Variants in SLC25A21 observed in about 807,000 individuals in gnomAD.
SLC25A21 encodes solute carrier family 25 member 21.
In SLC25A21, 47 loss-of-function variants were observed where a neutral mutation model predicts 43.8. That is an observed-to-expected ratio of 1.07 (90% CI 0.85 to 1.37). The LOEUF is 1.37. Among genes scored for constraint, SLC25A21 ranks in the 40% most tolerant of loss-of-function variants. The pLI, the probability that SLC25A21 is intolerant of heterozygous loss-of-function variation, is 0.00. For missense variants in SLC25A21, 352 were observed against 350.2 expected (o/e 1.00, Z -0.04); for synonymous variants, 131 against 121.3 (o/e 1.08, Z -0.52).
Position 36,759,390 on chromosome 14 carries a change from C to T in SLC25A21, c.204-24817G>A, listed in dbSNP as rs186215795. Among the ~76,000 whole-genome samples the T allele has an allele frequency of 1.7e-3, 255 of 152,174 alleles. 1 individual carries two copies. Among genetic ancestry groups the T allele is most frequent in the African/African-American group, 5.7e-3 (236 of 41,500 alleles). ...CCTTTTTTTCTGTACATATCATCTC[C>T]GTTTTGTCGTTCTTATGAGGGACAT... On this transcript the variant is annotated intron_variant, in intron 3 of 9. Coordinates refer to ENST00000331299, the MANE Select transcript of SLC25A21 (RefSeq NM_030631.4).
chr14:36,688,270 A>T (rs1432749665), intron 7 of SLC25A21, among the ~76,000 whole-genome samples: 1 of 151,522 alleles, frequency 6.6e-6, no homozygotes, highest in Non-Finnish European at 1.5e-5. Flanking sequence ...CCTCCCCTCT[A>T]CTCCCGAGAT....
At chr14:36,725,732 T>A in intron 5 of SLC25A21, 55 bp from the exon 6 acceptor site, 2 of 1,146,796 alleles carry the variant, frequency 1.7e-6, no homozygotes, top group Non-Finnish European at 2.4e-6. Context: ...TGTATGGGGT[T>A]AAACATCCTA....
At position 36,908,466 on chromosome 14, in the gene SLC25A21, A is replaced by C. The variant is rs577037419; in HGVS notation, c.71-33462T>G. 2.9e-4 allele frequency among the ~76,000 whole-genome samples: 44 copies of C among 152,254 alleles called. No homozygotes were observed. The South Asian group carries it at 8.7e-3, about 30-fold the overall frequency. On this transcript the variant is annotated intron_variant, in intron 1 of 9. Coordinates refer to ENST00000331299, the MANE Select transcript of SLC25A21 (RefSeq NM_030631.4). ...ATTCCCAGCAAAGGATAAAACACTA[A>C]ATGAGATGGCCAAGTCCCAAGAAAT...
intron 2 of SLC25A21, among the ~76,000 whole-genome samples, chr14:36,850,474 G>C (rs1300956283): frequency 6.6e-6 from 1 of 151,998 alleles, no homozygotes; most frequent in African/African-American, 2.4e-5. Context: ...AGAAAGCAGG[G>C]CAAGAAGGTA....
chr14:36,709,569 C>A (rs898380946), intron 7 of SLC25A21, among the ~76,000 whole-genome samples: 1 of 151,966 alleles, frequency 6.6e-6, no homozygotes, highest in Non-Finnish European at 1.5e-5. Flanking sequence ...GGATTTCAGA[C>A]CAAAAAAACA....
chr14:36,862,003 G>GA (rs553061904), intron 2 of SLC25A21, among the ~76,000 whole-genome samples: 44 of 152,206 alleles, frequency 2.9e-4, no homozygotes, highest in African/African-American at 1.0e-3. Flanking sequence ...ACAAACATAT[G>GA]AAAAAAAGCT....
At chr14:37,097,478 T>G (rs1276637152) in intron 1 of SLC25A21, among the ~76,000 whole-genome samples, 2 of 152,150 alleles carry the variant, frequency 1.3e-5, no homozygotes, top group African/African-American at 4.8e-5. Context: ...AGGGTTCTAT[T>G]TGGCCATCTT....
At chr14:37,149,477 C>T (rs1963722103) in intron 1 of SLC25A21, among the ~76,000 whole-genome samples, 1 of 152,048 alleles carries the variant, frequency 6.6e-6, no homozygotes, top group African/African-American at 2.4e-5. Flanking sequence ...GGGCCGGCCA[C>T]GGTGGCTCAC....
intron 1 of SLC25A21, among the ~76,000 whole-genome samples, chr14:36,881,717 C>T (rs1890733150): frequency 6.6e-6 from 1 of 152,096 alleles, no homozygotes; most frequent in African/African-American, 2.4e-5. Context: ...CACATAGGTA[C>T]AAAAATGTAG....
At chr14:36,728,799 T>C (rs563725919) in intron 5 of SLC25A21, among the ~76,000 whole-genome samples, 2 of 152,312 alleles carry the variant, frequency 1.3e-5, no homozygotes, top group African/African-American at 4.8e-5. Flanking sequence ...GCAGATTTTG[T>C]TTTGCTTTGC....
At chr14:36,828,109 GT>G (rs1888902996) in intron 2 of SLC25A21, among the ~76,000 whole-genome samples, 1 of 6,536 alleles carries the variant, frequency 1.5e-4, no homozygotes, top group South Asian at 0.012. Flanking sequence ...GCAATGTGAG[GT>G]CTTCTGGGAC....
chr14:37,093,099 A>G (rs1962620546), intron 1 of SLC25A21, among the ~76,000 whole-genome samples: 1 of 152,196 alleles, frequency 6.6e-6, no homozygotes, highest in African/African-American at 2.4e-5. Context: ...AAAATAATAA[A>G]CAGTGTACCA....
At chr14:36,798,112 C>A (rs570637565) in intron 3 of SLC25A21, among the ~76,000 whole-genome samples, 1 of 152,130 alleles carries the variant, frequency 6.6e-6, no homozygotes, top group Admixed American at 6.6e-5. Flanking sequence ...GTAGTCTGTG[C>A]GTTGTTAGCG....
chr14:37,125,888 T>C (rs973555974), intron 1 of SLC25A21, among the ~76,000 whole-genome samples: 3 of 152,208 alleles, frequency 2.0e-5, no homozygotes, highest in East Asian at 3.9e-4. Flanking sequence ...CCCAGGTACG[T>C]AGCAATTCAA....
intron 1 of SLC25A21, among the ~76,000 whole-genome samples, chr14:37,035,998 CCTT>C (rs1044969033): frequency 6.6e-6 from 1 of 152,056 alleles, no homozygotes; most frequent in Admixed American, 6.5e-5. Flanking sequence ...AATCTCTTGT[CCTT>C]CTGTATTCAT....
chr14:36,921,361 C>T (rs1891976999), intron 1 of SLC25A21, among the ~76,000 whole-genome samples: 1 of 152,146 alleles, frequency 6.6e-6, no homozygotes, highest in Non-Finnish European at 1.5e-5. Flanking sequence ...ATAAAAGGCA[C>T]ATCCTGGGCC....
At chr14:36,879,709 T>C (rs1890654155) in intron 1 of SLC25A21, among the ~76,000 whole-genome samples, 1 of 152,038 alleles carries the variant, frequency 6.6e-6, no homozygotes, top group Non-Finnish European at 1.5e-5. Context: ...CTCCCAGACT[T>C]CATCTTTTCT....
chr14:37,068,138 TCAC>T (rs1269902732), intron 1 of SLC25A21, among the ~76,000 whole-genome samples: 1 of 152,220 alleles, frequency 6.6e-6, no homozygotes, highest in African/African-American at 2.4e-5. Flanking sequence ...GGGTTCATAG[TCAC>T]CACATTGTGG....
intron 3 of SLC25A21, among the ~76,000 whole-genome samples, chr14:36,738,069 C>T (rs1313841878): frequency 6.6e-6 from 1 of 152,166 alleles, no homozygotes; most frequent in Non-Finnish European, 1.5e-5. Context: ...GTCCCTCCAG[C>T]CAAAGTGGCT....
Sources: gnomAD v4.1 joint callset for allele counts (sites outside exome capture counted in the v4.1 genomes callset) on GRCh38, gnomAD v4.1.1 for gene constraint, MANE v1.5 for transcripts, NCBI Gene and HGNC (gene_info 2026-07-23, HGNC 2026-07-21) for gene names.